NXN: variants seen among roughly 807,000 people sequenced by gnomAD.
The protein encoded by NXN is nucleoredoxin.
In NXN, 16 loss-of-function variants were observed where a neutral mutation model predicts 48.6. The ratio of observed to expected loss-of-function variants is 0.33; its 90% CI spans 0.22 to 0.50. The LOEUF (loss-of-function observed/expected upper bound fraction) is 0.50. Ranked by LOEUF, NXN falls within the 20% of genes least tolerant of loss-of-function variation. The pLI, the probability that NXN is intolerant of heterozygous loss-of-function variation, is 0.98. For synonymous variants in NXN, 281 were observed against 269.6 expected (o/e 1.04, Z -0.41); for missense variants, 492 against 605.5 (o/e 0.81, Z 1.97).
intron 1 of NXN, among the ~76,000 whole-genome samples, chr17:957,461 G>A (rs949858671): frequency 9.9e-5 from 15 of 152,048 alleles, no homozygotes; most frequent in South Asian, 8.3e-4. Context: ...GCGAAACACC[G>A]TCTCTACTAA....
At chr17:838,321 G>T (rs79003533) in intron 1 of NXN, among the ~76,000 whole-genome samples, 5,050 of 151,756 alleles carry the variant, frequency 0.033, 226 homozygotes, top group East Asian at 0.24. Context: ...TAGTTGAGAC[G>T]GGGTCTCACC....
chr17:901,755 A>G (rs2068539709), intron 1 of NXN, among the ~76,000 whole-genome samples: 1 of 152,136 alleles, frequency 6.6e-6, no homozygotes, highest in Non-Finnish European at 1.5e-5. Flanking sequence ...GCCGCAGTGC[A>G]GTGGCGCAAT....
intron 1 of NXN, among the ~76,000 whole-genome samples, chr17:976,033 T>G (rs1443597802): frequency 6.6e-6 from 1 of 152,212 alleles, no homozygotes; most frequent in Non-Finnish European, 1.5e-5. Context: ...TAATTACAAT[T>G]TATGCACAGC....
intron 1 of NXN, among the ~76,000 whole-genome samples, chr17:950,821 G>A (rs545905966): frequency 3.5e-4 from 53 of 151,774 alleles, no homozygotes; most frequent in African/African-American, 1.1e-3. Flanking sequence ...AGAGTCGGAC[G>A]AAATGGCGAA....
At chr17:896,906 T>A in intron 1 of NXN, 1 of 1,144,528 alleles carries the variant, frequency 8.7e-7, no homozygotes, top group Non-Finnish European at 1.1e-6. Context: ...AGTTCCTGCA[T>A]ATCACACACA....
rs574780723 is a variant in NXN at position 825,156 on chromosome 17, T to A, written c.478+805A>T. On this transcript the variant is annotated intron_variant, in intron 2 of 7. Coordinates refer to ENST00000336868, the MANE Select transcript of NXN (RefSeq NM_022463.5). This position sits in a 1 kb window ranked among gnomAD's most constrained non-coding sequence, Gnocchi z 4.1. ...TGAGTTGAGCTCAGGAGGTCGAGGCTGCAGTGAACCGGGATCATGCCACAG... is the reference window on the plus strand; with the variant it reads ...TGAGTTGAGCTCAGGAGGTCGAGGCAGCAGTGAACCGGGATCATGCCACAG... Among the ~76,000 whole-genome samples, 1 of 147,108 alleles carries A rather than the reference T, an allele frequency of 6.8e-6. No individual in the cohort carries two copies. Among genetic ancestry groups the A allele is most frequent in the East Asian group, 2.0e-4 (1 of 4,988 alleles).
In NXN at chr17:944,190, G is replaced by A. The variant is rs2069016295; in HGVS notation, c.360+35129C>T. Among the ~76,000 whole-genome samples, 5 of 151,992 alleles carry A rather than the reference G, an allele frequency of 3.3e-5. No individual in the cohort carries two copies. The South Asian group carries it at 1.0e-3, about 32-fold the overall frequency. On this transcript the variant is annotated intron_variant, in intron 1 of 7. Transcript: ENST00000336868. ...GGAGGCAGAGGTTGCAGTGAGCCGA[G>A]ATGGCGCCACTGCACTCCAGCCTGG...
At chr17:895,582 G>A (rs112152186) in intron 1 of NXN, among the ~76,000 whole-genome samples, 389 of 151,290 alleles carry the variant, frequency 2.6e-3, no homozygotes, top group African/African-American at 9.2e-3. Context: ...GGAGGTCGAG[G>A]TGGGCGGATC....
chr17:969,272 A>G (rs1333758688), intron 1 of NXN, among the ~76,000 whole-genome samples: 4 of 152,180 alleles, frequency 2.6e-5, no homozygotes, highest in African/African-American at 7.2e-5. Context: ...TTTACTCACC[A>G]GGAAACTAGA....
At chr17:837,030 G>C (rs1474507850) in intron 1 of NXN, among the ~76,000 whole-genome samples, 2 of 150,200 alleles carry the variant, frequency 1.3e-5, no homozygotes, top group Non-Finnish European at 3.0e-5. Flanking sequence ...CCAGGCTGGA[G>C]AGCAGTGACA....
chr17:861,413 C>T (rs903898664), intron 1 of NXN, among the ~76,000 whole-genome samples: 11 of 152,192 alleles, frequency 7.2e-5, no homozygotes, highest in African/African-American at 2.4e-4. Context: ...GGATTACAGG[C>T]GTGAGCCGCC....
At chr17:935,140 T>C (rs986252715) in intron 1 of NXN, among the ~76,000 whole-genome samples, 1 of 151,870 alleles carries the variant, frequency 6.6e-6, no homozygotes, top group Admixed American at 6.6e-5. Flanking sequence ...CACAGGTGCA[T>C]GCACTACCAC....
At chr17:889,702 A>T (rs2068389233) in intron 1 of NXN, among the ~76,000 whole-genome samples, 2 of 40,584 alleles carry the variant, frequency 4.9e-5, no homozygotes, top group Admixed American at 2.2e-4. Flanking sequence ...AGAAAGAAAA[A>T]GAAAGAAAGA....
chr17:863,954 T>A (rs2068067417), intron 1 of NXN: 2 of 1,533,084 alleles, frequency 1.3e-6, no homozygotes, highest in East Asian at 4.9e-5. Flanking sequence ...CAGCAATGCC[T>A]GGGAACTGAG....
At chr17:940,639 C>T (rs1307708849) in intron 1 of NXN, among the ~76,000 whole-genome samples, 3 of 152,148 alleles carry the variant, frequency 2.0e-5, no homozygotes, top group East Asian at 3.9e-4. Flanking sequence ...TTCCAGGGCA[C>T]AGCCATGAAC....
chr17:841,447 CCTGA>C, intron 1 of NXN, among the ~76,000 whole-genome samples: 1 of 129,206 alleles, frequency 7.7e-6, no homozygotes, highest in Non-Finnish European at 1.8e-5. Context: ...AGCAGGTCCC[CCTGA>C]CCACGGCGCA....
chr17:838,057 G>T (rs1351672401), intron 1 of NXN, among the ~76,000 whole-genome samples: 1 of 151,812 alleles, frequency 6.6e-6, no homozygotes, highest in East Asian at 1.9e-4. Context: ...TAAAAAGACT[G>T]GGTAGAAGGG....
chr17:813,965 C>G (rs1912323406), intron 5 of NXN, among the ~76,000 whole-genome samples: 1 of 131,924 alleles, frequency 7.6e-6, no homozygotes, highest in South Asian at 2.4e-4. Context: ...AAGACTCTGT[C>G]TAAAAAAAAA....
chr17:953,417 A>G (rs1293248035), intron 1 of NXN, among the ~76,000 whole-genome samples: 2 of 152,146 alleles, frequency 1.3e-5, no homozygotes, highest in Non-Finnish European at 2.9e-5. Flanking sequence ...TCCGTCTCAA[A>G]AAAAGAAAAG....
Sources: allele counts gnomAD v4.1 joint callset (sites outside exome capture counted in the v4.1 genomes callset), GRCh38; gene constraint gnomAD v4.1.1; non-coding constraint Gnocchi (gnomAD v3.1); transcripts MANE v1.5; gene names NCBI Gene and HGNC (gene_info 2026-07-23, HGNC 2026-07-21).